The following OR52A1 variants were observed in gnomAD, a reference collection of about 807,000 sequenced individuals.
The protein encoded by OR52A1 is olfactory receptor 52A1.
In OR52A1, 14 loss-of-function variants were observed where a neutral mutation model predicts 14.3. That is an observed-to-expected ratio of 0.98 (90% confidence interval 0.65 to 1.54). The LOEUF (loss-of-function observed/expected upper bound fraction) is 1.54. OR52A1 is among the 40% of genes most tolerant of loss of function. The pLI, the probability that OR52A1 is intolerant of heterozygous loss-of-function variation, is 0.00. For missense variants in OR52A1, 405 were observed against 381.3 expected (o/e 1.06, Z -0.52); for synonymous variants, 151 against 135.3 (o/e 1.12, Z -0.80).
Position 5,154,674 on chromosome 11 carries a change from G to A in OR52A1, c.-549C>T, listed in dbSNP as rs1338011135. On this transcript the variant is annotated 5_prime_UTR_variant, in exon 1 of 2. Transcript: ENST00000380367. ...CGGACATCTTCTTCTTCTTCTGGAA[G>A]TCTGTCTCAGACCATCTTTGTGTGC... 4 of 152,186 alleles carry A rather than the reference G, an allele frequency of 2.6e-5. No homozygotes were observed. The highest frequency in any genetic ancestry group is 1.3e-4 in the Admixed American group (2 of 15,272). 9.4% of individuals were successfully genotyped at this position (152,186 alleles called of 1,614,324 possible).
chr11:5,150,059 A>T lies in OR52A1; in HGVS notation c.*1372T>A, dbSNP rs1425726383. On this transcript the variant is annotated 3_prime_UTR_variant, in exon 2 of 2. Transcript: ENST00000380367. The stretch of plus-strand genomic sequence containing the variant: ...TGAATATTTTCCATAACCTTGAAAA[A>T]AATGATCTATGACCTGAGGTTTTTC... 1 of 152,186 alleles carries T rather than the reference A, an allele frequency of 6.6e-6. No homozygotes were observed. Among genetic ancestry groups the T allele is most frequent in the Non-Finnish European group, 1.5e-5 (1 of 68,042 alleles). 9.4% of individuals were successfully genotyped at this position (152,186 alleles called of 1,614,324 possible).
Position 5,151,811 on chromosome 11 carries a change from T to C in OR52A1, c.559A>G (p.Ile187Val). Residue 187 changes from isoleucine to valine, a missense_variant, in exon 2 of 2, where the codon ATT becomes GTT. Coordinates refer to ENST00000380367, the MANE Select transcript of OR52A1 (RefSeq NM_012375.3). Reference sequence around the variant, plus strand: ...ACATTTGCTGCTGCTAGTTTCACAATGGCCATATGCTCACAGTAGGAGTGG... The same window carrying C: ...ACATTTGCTGCTGCTAGTTTCACAACGGCCATATGCTCACAGTAGGAGTGG... ...ISHSYCEHMA[I>V]VKLAAANVQV... 1 of 1,614,172 alleles carries C rather than the reference T, an allele frequency of 6.2e-7. No homozygotes were observed. Among genetic ancestry groups the C allele is most frequent in the Non-Finnish European group, 8.5e-7 (1 of 1,180,022 alleles).
Position 5,152,356 on chromosome 11 carries a change from T to C in OR52A1, c.14A>G (p.Asn5Ser), listed in dbSNP as rs148222440. The C allele has an allele frequency of 3.9e-5, 63 of 1,598,850 alleles. No homozygotes were observed. Among genetic ancestry groups the C allele is most frequent in the African/African-American group, 2.8e-4 (21 of 74,564 alleles). The change falls in exon 2 of 2, where the codon AAC (asparagine) becomes AGC (serine). Residue 5 changes from asparagine (N) to serine (S), a missense_variant. Physicochemically the swap from Asn to Ser is conservative, Grantham distance 46. Transcript: ENST00000380367. Reference protein sequence around the residue: MSISNITVYMPSVLT... With the variant: MSISSITVYMPSVLT... Reference sequence around the variant, plus strand: ...CACAGAGGGCATGTAGACTGTGATGTTGGAAATGGACATAGTGTCGTTGGG... The same window carrying C: ...CACAGAGGGCATGTAGACTGTGATGCTGGAAATGGACATAGTGTCGTTGGG...
chr11:5,154,367 T>C (rs1174106262), intron 1 of OR52A1, 80 bp downstream of exon 1: 1 of 152,032 alleles, frequency 6.6e-6, no homozygotes, highest in Non-Finnish European at 1.5e-5. Flanking sequence ...TCCTCAATTA[T>C]TATTGAGAGC....
In OR52A1 at chr11:5,150,010, A is replaced by G. The variant is rs1846522892; in HGVS notation, c.*1421T>C. On this transcript the variant is annotated 3_prime_UTR_variant, in exon 2 of 2. Coordinates refer to ENST00000380367, the MANE Select transcript of OR52A1 (RefSeq NM_012375.3). ...TGCAGTGGTTTTAATCTGGTAAATC[A>G]AAGTATGGACATCTGCCCATATGTG... The G allele has an allele frequency of 6.6e-6, 1 of 152,206 alleles. No homozygotes were observed. The highest frequency in any genetic ancestry group is 2.4e-5 in the African/African-American group (1 of 41,458). The allele number at this position is 152,206 out of a possible 1,614,324, so 9.4% of individuals were successfully genotyped here.
chr11:5,153,096 G>T (rs1846568157), intron 1 of OR52A1, among the ~76,000 whole-genome samples: 1 of 152,176 alleles, frequency 6.6e-6, no homozygotes, highest in South Asian at 2.1e-4. Context: ...CTCTTGAAAT[G>T]TTGTGAGTTT....
rs1176989800 is a variant in OR52A1 at position 5,150,459 on chromosome 11, A to G, written c.*972T>C. The G allele has an allele frequency of 6.6e-6, 1 of 152,176 alleles. No individual in the cohort carries two copies. Among genetic ancestry groups the G allele is most frequent in the African/African-American group, 2.4e-5 (1 of 41,432 alleles). 9.4% of individuals were successfully genotyped at this position (152,176 alleles called of 1,614,324 possible). The stretch of plus-strand genomic sequence containing the variant: ...ACATTATCTAGTTTAAATCTCCTCT[A>G]CTATCTACCTGGCATGATGTGTTCT... On this transcript the variant is annotated 3_prime_UTR_variant, in exon 2 of 2. Transcript: ENST00000380367.
At position 5,151,162 on chromosome 11, in the gene OR52A1, C is replaced by A; in HGVS notation, c.*269G>T. 3.6e-6 allele frequency: 1 copy of A among 274,736 alleles called. No individual in the cohort carries two copies. 17.0% of individuals were successfully genotyped at this position (274,736 alleles called of 1,614,324 possible). On this transcript the variant is annotated 3_prime_UTR_variant, in exon 2 of 2. Coordinates refer to ENST00000380367, the MANE Select transcript of OR52A1 (RefSeq NM_012375.3). ...TTATAAATCCTCCTGGAGAAATATT[C>A]TTAGAAGAATAACTCAACCAGGGGC...
rs1234209129 is a variant in OR52A1, at chr11:5,150,707, A to C, written c.*724T>G. 1 of 152,122 alleles carries C rather than the reference A, an allele frequency of 6.6e-6. No homozygotes were observed. Among genetic ancestry groups the C allele is most frequent in the Non-Finnish European group, 1.5e-5 (1 of 68,064 alleles). 9.4% of individuals were successfully genotyped at this position (152,122 alleles called of 1,614,324 possible). On this transcript the variant is annotated 3_prime_UTR_variant, in exon 2 of 2. Transcript: ENST00000380367. ...TTCAGTCTCTCTTTTCCAGAATTACATAGGTACAAACTCATGAGAATTATT... is the reference window on the plus strand; with the variant it reads ...TTCAGTCTCTCTTTTCCAGAATTACCTAGGTACAAACTCATGAGAATTATT...
Position 5,152,129 on chromosome 11 carries a change from G to T in OR52A1, c.241C>A (p.Pro81Thr), listed in dbSNP as rs1193856250. Residue 81 changes from proline to threonine, a missense_variant, in exon 2 of 2, where the codon CCA becomes ACA. By Grantham distance (38) the Pro-to-Thr change is conservative. Transcript: ENST00000380367. ...TDIALASSIM[P>T]KMLGIFWFNV... The stretch of plus-strand genomic sequence containing the variant: ...AACCAGAATATTCCAAGCATCTTTG[G>T]CATAATGCTGCTAGCAAGTGCAATG... 1.2e-6 allele frequency: 2 copies of T among 1,614,092 alleles called. No individual in the cohort carries two copies. Among genetic ancestry groups the T allele is most frequent in the Non-Finnish European group, 8.5e-7 (1 of 1,179,968 alleles).
At position 5,149,743 on chromosome 11, in the gene OR52A1, A is replaced by C. The variant is rs897657636; in HGVS notation, c.*1688T>G. The C allele has an allele frequency of 3.3e-5, 5 of 152,240 alleles. No homozygotes were observed. Among genetic ancestry groups the C allele is most frequent in the African/African-American group, 9.6e-5 (4 of 41,466 alleles). The allele number at this position is 152,240 out of a possible 1,614,324, so 9.4% of individuals were successfully genotyped here. A position where few individuals can be genotyped will look rare whatever the true frequency, so the allele number is the denominator to read the frequency against. On this transcript the variant is annotated 3_prime_UTR_variant, in exon 2 of 2. Transcript: ENST00000380367. ...CTGAATTCTGGCTAAAATATTAAGA[A>C]ATAACATCAGAGGCTATTTTATTTT...
rs1481772530 is a variant in OR52A1, at chr11:5,151,494, T to A, written c.876A>T (p.Pro292=). ...IYLLVPPFLN[P]LVYGAKTTQI... Reference sequence around the variant, plus strand: ...GTGTGGTCTTTGCACCATAGACAAGTGGATTGAGAAATGGAGGGACCAGCA... The same window carrying A: ...GTGTGGTCTTTGCACCATAGACAAGAGGATTGAGAAATGGAGGGACCAGCA... Residue 292 remains proline, a synonymous_variant, in exon 2 of 2, where the codon CCA becomes CCT. Transcript: ENST00000380367. 1.2e-6 allele frequency: 2 copies of A among 1,614,002 alleles called. No homozygotes were observed. The highest frequency in any genetic ancestry group is 2.2e-5 in the East Asian group (1 of 44,886).
chr11:5,151,782 T>C lies in OR52A1; in HGVS notation c.588A>G (p.Gln196=), dbSNP rs1194570882. 10 of 1,614,090 alleles carry C rather than the reference T, an allele frequency of 6.2e-6. No individual in the cohort carries two copies. The highest frequency in any genetic ancestry group is 8.5e-6 in the Non-Finnish European group (10 of 1,180,024). ...AIVKLAAANV[Q]VNKIYGLFVA... is the part of the protein sequence containing the mutation. The stretch of plus-strand genomic sequence containing the variant: ...CAAACAAACCATAGATTTTGTTGAC[T>C]TGAACATTTGCTGCTGCTAGTTTCA... Residue 196 remains glutamine (Q), a synonymous_variant, in exon 2 of 2, where the codon CAA becomes CAG. Coordinates refer to ENST00000380367, the MANE Select transcript of OR52A1 (RefSeq NM_012375.3).
In OR52A1 at chr11:5,150,851, A is replaced by C. The variant is rs1846532351; in HGVS notation, c.*580T>G. ...AAATTTTGAGGTTAGCAAAAAAAAA[A>C]ACAACAACATTGATGTGTCAAATGC... On this transcript the variant is annotated 3_prime_UTR_variant, in exon 2 of 2. Transcript: ENST00000380367. The C allele has an allele frequency of 6.6e-6, 1 of 152,168 alleles. No individual in the cohort carries two copies. Among genetic ancestry groups the C allele is most frequent in the Non-Finnish European group, 1.5e-5 (1 of 68,036 alleles). The allele number at this position is 152,168 out of a possible 1,614,324, so 9.4% of individuals were successfully genotyped here. A position where few individuals can be genotyped will look rare whatever the true frequency, so the allele number is the denominator to read the frequency against.
In OR52A1 at chr11:5,149,468, TCTAA is replaced by T. The variant is rs1382129645; in HGVS notation, c.*1959_*1962del. 1.3e-5 allele frequency: 2 copies of T among 152,128 alleles called. No individual in the cohort carries two copies. Among genetic ancestry groups the T allele is most frequent in the African/African-American group, 2.4e-5 (1 of 41,432 alleles). The allele number at this position is 152,128 out of a possible 1,614,324, so 9.4% of individuals were successfully genotyped here. A position where few individuals can be genotyped will look rare whatever the true frequency, so the allele number is the denominator to read the frequency against. On this transcript the variant is annotated 3_prime_UTR_variant, in exon 2 of 2. Transcript: ENST00000380367. ...GTAATCAATTTGGTGATGGGGAAAC[TCTAA>T]CTTTCAGCTACACTTTGTTACTCTG...
At position 5,151,920 on chromosome 11, in the gene OR52A1, G is replaced by A. The variant is rs143372683; in HGVS notation, c.450C>T (p.Val150=). The change falls in exon 2 of 2, where the codon GTC becomes GTT. Residue 150 remains valine, a synonymous_variant. Transcript: ENST00000380367. ...CTACAAGAATAGCAGCCCTGAGTAC[G>A]ACCATAGTTCCTATCTGAATGACAA... ...HQLVIQIGTM[V]VLRAAILVAP... 5.2e-4 allele frequency: 835 copies of A among 1,614,050 alleles called. No individual in the cohort carries two copies. Among genetic ancestry groups the A allele is most frequent in the African/African-American group, 4.4e-3 (332 of 75,034 alleles).
Position 5,151,527 on chromosome 11 carries a change from G to A in OR52A1, c.843C>T (p.Ser281=), listed in dbSNP as rs1354741183. The A allele has an allele frequency of 6.2e-7, 1 of 1,613,890 alleles. No homozygotes were observed. The highest frequency in any genetic ancestry group is 8.5e-7 in the Non-Finnish European group (1 of 1,179,952). Residue 281 remains serine (S), a synonymous_variant, in exon 2 of 2, where the codon AGC becomes AGT. Transcript: ENST00000380367. ...GAAATGGAGGGACCAGCAAGTAAAT[G>A]CTAGAAAAGAGAATATGGATATAAG... ...ISPYIHILFS[S]IYLLVPPFLN...
At position 5,148,356 on chromosome 11, in the gene OR52A1, G is replaced by C. The variant is rs1456702044; in HGVS notation, c.*3075C>G. ...TTCTCCTGCCTCAGCCTCCCGAGTAGCTGGGATTACAGGCACCCCCCCAAC... is the reference window on the plus strand; with the variant it reads ...TTCTCCTGCCTCAGCCTCCCGAGTACCTGGGATTACAGGCACCCCCCCAAC... On this transcript the variant is annotated 3_prime_UTR_variant, in exon 2 of 2. Coordinates refer to ENST00000380367, the MANE Select transcript of OR52A1 (RefSeq NM_012375.3). The C allele has an allele frequency of 6.6e-6, 1 of 151,932 alleles. No homozygotes were observed. Among genetic ancestry groups the C allele is most frequent in the Non-Finnish European group, 1.5e-5 (1 of 68,166 alleles). The allele number at this position is 151,932 out of a possible 1,614,324, so 9.4% of individuals were successfully genotyped here. A position where few individuals can be genotyped will look rare whatever the true frequency, so the allele number is the denominator to read the frequency against.
chr11:5,152,569 C>T lies in OR52A1; in HGVS notation c.-200G>A. The stretch of plus-strand genomic sequence containing the variant: ...GATACATCACTGTTTTCAGGTGGGG[C>T]ATTCACAGGCACTGTGCCATAATAG... On this transcript the variant is annotated 5_prime_UTR_variant, in exon 2 of 2. An upstream start codon of the reference 5' UTR is lost. Coordinates refer to ENST00000380367, the MANE Select transcript of OR52A1 (RefSeq NM_012375.3). 1.8e-6 allele frequency: 1 copy of T among 547,252 alleles called. No individual in the cohort carries two copies. Among genetic ancestry groups the T allele is most frequent in the Non-Finnish European group, 3.3e-6 (1 of 298,546 alleles). 33.9% of individuals were successfully genotyped at this position (547,252 alleles called of 1,614,324 possible). A position where few individuals can be genotyped will look rare whatever the true frequency, so the allele number is the denominator to read the frequency against.
Sources: allele counts gnomAD v4.1 joint callset (sites outside exome capture counted in the v4.1 genomes callset), GRCh38; gene constraint gnomAD v4.1.1; transcripts MANE v1.5; gene names NCBI Gene and HGNC (gene_info 2026-07-23, HGNC 2026-07-21).